The following INSYN2B variants were observed in gnomAD, a reference collection of about 807,000 sequenced individuals.
The protein encoded by INSYN2B is inhibitory synaptic factor family member 2B.
A neutral mutation model predicts 41.2 loss-of-function variants in INSYN2B; 16 were observed. The ratio of observed to expected loss-of-function variants is 0.39; its 90% CI spans 0.26 to 0.59. INSYN2B has a LOEUF of 0.59. INSYN2B is among the 20% of genes least tolerant of loss of function. INSYN2B has a pLI of 0.57. For missense variants in INSYN2B, 608 were observed against 646.4 expected, an observed-to-expected ratio of 0.94 and a Z score of 0.64; for synonymous variants, 245 against 244.4, an observed-to-expected ratio of 1.00 and a Z score of -0.02.
intron 1 of INSYN2B, among the ~76,000 whole-genome samples, chr5:169,959,657 AC>A (rs756561301): frequency 2.6e-4 from 39 of 152,212 alleles, no homozygotes; most frequent in Non-Finnish European, 4.4e-4. Flanking sequence ...GGACTAAAGG[AC>A]TTTAGGGAGT....
At chr5:169,956,032 T>G (rs1776851463) in intron 1 of INSYN2B, among the ~76,000 whole-genome samples, 1 of 148,188 alleles carries the variant, frequency 6.7e-6, no homozygotes, top group Admixed American at 6.7e-5. Flanking sequence ...GGGGGAGACA[T>G]AGATTTGAAA....
intron 1 of INSYN2B, among the ~76,000 whole-genome samples, chr5:169,960,827 T>A (rs1039760925): frequency 2.0e-5 from 3 of 152,350 alleles, no homozygotes; most frequent in Admixed American, 6.5e-5. Flanking sequence ...TGTGATGAAA[T>A]CCTACTCTCT....
intron 1 of INSYN2B, among the ~76,000 whole-genome samples, chr5:169,893,237 T>TGGC (rs1581371377): frequency 6.6e-6 from 1 of 152,162 alleles, no homozygotes; most frequent in African/African-American, 2.4e-5. Context: ...CCAGAGGCAT[T>TGGC]GGCTGCTGCT....
At chr5:169,972,486 T>C (rs1430019092) in intron 1 of INSYN2B, among the ~76,000 whole-genome samples, 1 of 56,882 alleles carries the variant, frequency 1.8e-5, no homozygotes, top group Non-Finnish European at 2.8e-5. Context: ...TGAAAAATAT[T>C]TCAAGGCAAT....
intron 1 of INSYN2B, among the ~76,000 whole-genome samples, chr5:169,966,100 C>T (rs905995389): frequency 1.9e-4 from 29 of 152,302 alleles, no homozygotes; most frequent in African/African-American, 6.7e-4. Context: ...TGCAACAGAA[C>T]ATACTTTGAA....
intron 1 of INSYN2B, among the ~76,000 whole-genome samples, chr5:169,908,310 T>C (rs946550281): frequency 7.9e-5 from 12 of 152,168 alleles, no homozygotes; most frequent in African/African-American, 2.2e-4. Flanking sequence ...ATAAAGTATA[T>C]AAGCACATGC....
intron 1 of INSYN2B, among the ~76,000 whole-genome samples, chr5:169,973,781 C>G (rs1194173800): frequency 1.3e-5 from 2 of 152,192 alleles, no homozygotes; most frequent in Non-Finnish European, 2.9e-5. Context: ...AGGGCTGGTT[C>G]TGTCTATGTA....
intron 1 of INSYN2B, among the ~76,000 whole-genome samples, chr5:169,924,521 G>C (rs564884728): frequency 6.6e-6 from 1 of 152,140 alleles, no homozygotes; most frequent in Admixed American, 6.5e-5. Flanking sequence ...TGAGAATCTT[G>C]ATGATCTTTT....
intron 3 of INSYN2B, among the ~76,000 whole-genome samples, chr5:169,880,745 C>A (rs1315664088): frequency 1.3e-5 from 2 of 152,162 alleles, no homozygotes; most frequent in Non-Finnish European, 2.9e-5. Context: ...ATTAAGTTAG[C>A]TGATGGCAGA....
chr5:169,933,822 G>T (rs1229924301), intron 1 of INSYN2B, among the ~76,000 whole-genome samples: 2 of 152,184 alleles, frequency 1.3e-5, no homozygotes, highest in African/African-American at 4.8e-5. Flanking sequence ...GGGAATGCAT[G>T]AGGGGTGGCT....
At chr5:169,976,997 C>T (rs1040034762) in intron 1 of INSYN2B, among the ~76,000 whole-genome samples, 2 of 152,220 alleles carry the variant, frequency 1.3e-5, no homozygotes. Flanking sequence ...TATTGCACAG[C>T]AGGATGTCCT....
chr5:169,877,889 C>T (rs1205445991), intron 3 of INSYN2B, among the ~76,000 whole-genome samples: 5 of 152,146 alleles, frequency 3.3e-5, no homozygotes, highest in South Asian at 2.1e-4. Flanking sequence ...CACCGAAAAC[C>T]GTAAGGTTGC....
chr5:169,939,472 G>A (rs926530710), intron 1 of INSYN2B, among the ~76,000 whole-genome samples: 5 of 152,162 alleles, frequency 3.3e-5, no homozygotes, highest in African/African-American at 1.2e-4. Flanking sequence ...ACTCTAGACT[G>A]TGATAAAAAA....
intron 3 of INSYN2B, chr5:169,875,863 C>A (rs1030982524): frequency 6.6e-6 from 1 of 152,386 alleles, no homozygotes; most frequent in African/African-American, 2.4e-5. Flanking sequence ...ATAAACTGGC[C>A]TCCAATTATG....
intron 1 of INSYN2B, among the ~76,000 whole-genome samples, chr5:169,921,998 C>T (rs1775200793): frequency 6.6e-6 from 1 of 152,182 alleles, no homozygotes. Flanking sequence ...ATCCCATGTA[C>T]ATCCTGGTCC....
chr5:169,885,565 T>C (rs1772925979), intron 1 of INSYN2B, among the ~76,000 whole-genome samples: 1 of 152,234 alleles, frequency 6.6e-6, no homozygotes, highest in African/African-American at 2.4e-5. Context: ...CATGAACTTC[T>C]CTGAGGAACA....
At chr5:169,868,499 C>T (rs1367765826) in intron 3 of INSYN2B, among the ~76,000 whole-genome samples, 1 of 152,214 alleles carries the variant, frequency 6.6e-6, no homozygotes, top group Non-Finnish European at 1.5e-5. Context: ...TGGCTCATGC[C>T]TGTAATCCCA....
chr5:169,954,608 G>A (rs771128975), intron 1 of INSYN2B, among the ~76,000 whole-genome samples: 2 of 152,238 alleles, frequency 1.3e-5, no homozygotes, highest in Non-Finnish European at 2.9e-5. Context: ...TTATGAAAGG[G>A]ATAACTCAGG....
chr5:169,883,195 G>A lies in INSYN2B; in HGVS notation c.704C>T (p.Pro235Leu), dbSNP rs1772767358. 6.4e-7 allele frequency: 1 copy of A among 1,551,650 alleles called. No homozygotes were observed. The change falls in exon 2 of 4, where the codon CCT (proline) becomes CTT (leucine). Residue 235 changes from proline (P) to leucine (L), a missense_variant. By Grantham distance (98) the Pro-to-Leu change is moderately conservative. Coordinates refer to ENST00000377365, the MANE Select transcript of INSYN2B (RefSeq NM_001129891.3). ...ATCACCTGGACGTGTGTCATCCAAA[G>A]GGTGTATGGAGTTACTTACTTCAGC... ...RSAEVSNSIH[P>L]LDDTRPGDGR...
Sources: gnomAD v4.1 joint callset for allele counts (sites outside exome capture counted in the v4.1 genomes callset) on GRCh38, gnomAD v4.1.1 for gene constraint, MANE v1.5 for transcripts, NCBI Gene and HGNC (gene_info 2026-07-23, HGNC 2026-07-21) for gene names.